ROBO1: variants seen among roughly 807,000 people sequenced by gnomAD.
ROBO1 encodes the protein roundabout guidance receptor 1, also known as roundabout homolog 1.
A neutral mutation model predicts 195.9 loss-of-function variants in ROBO1; 149 were observed. The ratio of observed to expected loss-of-function variants is 0.76; its 90% confidence interval spans 0.67 to 0.87. The LOEUF (loss-of-function observed/expected upper bound fraction) is 0.87. ROBO1 is among the 40% of genes least tolerant of loss of function. The pLI is 0.00. For synonymous variants in ROBO1, 816 were observed against 733.2 expected (o/e 1.11, Z -1.82); for missense variants, 1,933 against 2,068.3 (o/e 0.93, Z 1.27).
intron 4 of ROBO1, among the ~76,000 whole-genome samples, chr3:78,844,746 A>G (rs2033535272): frequency 6.6e-6 from 1 of 152,134 alleles, no homozygotes; most frequent in Non-Finnish European, 1.5e-5. Context: ...ATTTTTACAT[A>G]TATTTTCAAG....
chr3:78,728,284 C>A (rs896303861), intron 5 of ROBO1, among the ~76,000 whole-genome samples: 1 of 152,096 alleles, frequency 6.6e-6, no homozygotes, highest in Non-Finnish European at 1.5e-5. Context: ...TAGATATGAT[C>A]TGGTTTCATG....
At chr3:78,893,166 A>T (rs903889619) in intron 4 of ROBO1, among the ~76,000 whole-genome samples, 1 of 152,180 alleles carries the variant, frequency 6.6e-6, no homozygotes, top group Non-Finnish European at 1.5e-5. Context: ...CTGTGGTTTG[A>T]ATGTGTCTTC....
At chr3:78,649,437 G>T (rs1048013360) in intron 19 of ROBO1, among the ~76,000 whole-genome samples, 3 of 152,212 alleles carry the variant, frequency 2.0e-5, no homozygotes, top group Admixed American at 1.3e-4. Flanking sequence ...TGGACAGGGG[G>T]TACCCAGCGA....
At chr3:79,706,824 G>A (rs1947787488) in intron 1 of ROBO1, among the ~76,000 whole-genome samples, 1 of 151,982 alleles carries the variant, frequency 6.6e-6, no homozygotes, top group Non-Finnish European at 1.5e-5. Context: ...CCAGTCTCAG[G>A]TATGTCTTCA....
chr3:79,694,762 C>T (rs1056524055), intron 1 of ROBO1, among the ~76,000 whole-genome samples: 1 of 151,566 alleles, frequency 6.6e-6, no homozygotes, highest in Non-Finnish European at 1.5e-5. Context: ...ATATATGAAA[C>T]ATTTCTTCAT....
At chr3:79,081,721 G>C (rs1170521929) in intron 3 of ROBO1, among the ~76,000 whole-genome samples, 1 of 152,154 alleles carries the variant, frequency 6.6e-6, no homozygotes, top group Non-Finnish European at 1.5e-5. Context: ...CCTGGCTAAA[G>C]TTTCATGTCA....
chr3:79,202,386 T>G (rs2081782938), intron 2 of ROBO1, among the ~76,000 whole-genome samples: 1 of 152,120 alleles, frequency 6.6e-6, no homozygotes, highest in South Asian at 2.1e-4. Context: ...AGAATCTACA[T>G]GAATCTGGAT....
intron 2 of ROBO1, among the ~76,000 whole-genome samples, chr3:79,207,194 C>G (rs1467689197): frequency 6.6e-6 from 1 of 152,032 alleles, no homozygotes; most frequent in Non-Finnish European, 1.5e-5. Flanking sequence ...AAACATTGAT[C>G]AAACAGTTGA....
At chr3:78,667,618 G>A (rs373051508) in intron 14 of ROBO1, among the ~76,000 whole-genome samples, 4 of 151,418 alleles carry the variant, frequency 2.6e-5, no homozygotes, top group Non-Finnish European at 4.4e-5. Flanking sequence ...ATCTCCTCAC[G>A]TAATATTTTT....
At chr3:79,725,215 CTCT>C (rs1319980397) in intron 1 of ROBO1, among the ~76,000 whole-genome samples, 26 of 139,900 alleles carry the variant, frequency 1.9e-4, no homozygotes, top group African/African-American at 2.6e-4. Context: ...AGAAACATCT[CTCT>C]TCTTCTTTTT....
intron 3 of ROBO1, among the ~76,000 whole-genome samples, chr3:79,081,236 T>A (rs1389934781): frequency 6.6e-6 from 1 of 151,988 alleles, no homozygotes; most frequent in Non-Finnish European, 1.5e-5. Context: ...TAGATATTGA[T>A]GCAAACTTCT....
intron 3 of ROBO1, among the ~76,000 whole-genome samples, chr3:79,029,517 A>T (rs2078257460): frequency 6.6e-6 from 1 of 152,208 alleles, no homozygotes; most frequent in Non-Finnish European, 1.5e-5. Context: ...ACTACACTAC[A>T]TTCTCTGATC....
chr3:79,165,928 C>T (rs2081055270), intron 2 of ROBO1, among the ~76,000 whole-genome samples: 1 of 152,168 alleles, frequency 6.6e-6, no homozygotes, highest in East Asian at 1.9e-4. Context: ...GTTGAAAGAC[C>T]TTAAAAATAG....
chr3:79,230,242 G>A (rs1353729971), intron 2 of ROBO1, among the ~76,000 whole-genome samples: 3 of 152,082 alleles, frequency 2.0e-5, no homozygotes, highest in African/African-American at 7.2e-5. Context: ...AAGGATTGCA[G>A]ACTCTCTTTC....
intron 2 of ROBO1, among the ~76,000 whole-genome samples, chr3:79,486,359 T>C (rs1049138950): frequency 2.0e-5 from 3 of 152,194 alleles, no homozygotes; most frequent in African/African-American, 7.2e-5. Flanking sequence ...ATATACCGAT[T>C]TCTTTGCCCT....
In ROBO1 at chr3:79,178,456, T is replaced by A. The variant is rs77833843; in HGVS notation, c.89-52917A>T. 1.2e-3 allele frequency among the ~76,000 whole-genome samples: 183 copies of A among 152,324 alleles called. 1 individual carries two copies. In the East Asian group the frequency reaches 0.024, roughly 20 times the overall value. ...TTTCCTCATTTGATTAACATGCTTA[T>A]TTTAGGGAAAAATAAAAAAAACACA... On this transcript the variant is annotated intron_variant, in intron 2 of 30. Coordinates refer to ENST00000464233, the MANE Select transcript of ROBO1 (RefSeq NM_002941.4).
chr3:79,512,961 A>G (rs941550193), intron 2 of ROBO1: 2 of 152,182 alleles, frequency 1.3e-5, no homozygotes, highest in Non-Finnish European at 2.9e-5. Context: ...TGCTGTTTGT[A>G]TCAAGCACAA....
chr3:79,580,826 T>G (rs780896998), intron 2 of ROBO1, among the ~76,000 whole-genome samples: 5 of 152,138 alleles, frequency 3.3e-5, no homozygotes, highest in Non-Finnish European at 7.4e-5. Context: ...GTTTTTATAT[T>G]TTCAAGGCCC....
At chr3:79,073,908 A>G (rs1483504182) in intron 3 of ROBO1, among the ~76,000 whole-genome samples, 1 of 150,726 alleles carries the variant, frequency 6.6e-6, no homozygotes, top group Non-Finnish European at 1.5e-5. Flanking sequence ...TTTATTTTCT[A>G]CAGCAGGATA....
Sources: allele counts gnomAD v4.1 joint callset (sites outside exome capture counted in the v4.1 genomes callset), GRCh38; gene constraint gnomAD v4.1.1; transcripts MANE v1.5; gene names NCBI Gene and HGNC (gene_info 2026-07-23, HGNC 2026-07-21).